Variants in KCNH8 observed in about 807,000 individuals in gnomAD.
KCNH8 encodes the protein voltage-gated delayed rectifier potassium channel KCNH8.
In KCNH8, 70 loss-of-function variants were observed where a neutral mutation model predicts 103.6. The observed-to-expected ratio is 0.68, with a 90% CI of 0.56 to 0.82. KCNH8 has a LOEUF of 0.82. Among genes scored for constraint, KCNH8 ranks in the 40% least tolerant of loss-of-function variants. The probability of loss-of-function intolerance (pLI) is 0.00; values close to 1 mark genes in which losing one functional copy is unlikely to be tolerated. For missense variants in KCNH8, 1,217 were observed against 1,329.9 expected (o/e 0.92, Z 1.32); for synonymous variants, 498 against 489.4 (o/e 1.02, Z -0.23).
intron 11 of KCNH8, among the ~76,000 whole-genome samples, chr3:19,478,121 T>C (rs974093131): frequency 6.6e-6 from 1 of 152,186 alleles, no homozygotes; most frequent in African/African-American, 2.4e-5. Flanking sequence ...TAGTATTCCA[T>C]GGTTTATATA....
chr3:19,291,807 T>C (rs953253013), intron 3 of KCNH8, among the ~76,000 whole-genome samples: 3 of 152,202 alleles, frequency 2.0e-5, no homozygotes, highest in Non-Finnish European at 2.9e-5. Context: ...CTTGTTAACT[T>C]TCTGTCTCGT....
intron 5 of KCNH8, among the ~76,000 whole-genome samples, chr3:19,375,437 G>A (rs2125120100): frequency 6.6e-6 from 1 of 151,240 alleles, no homozygotes; most frequent in African/African-American, 2.4e-5. Flanking sequence ...TAGTTCTCAA[G>A]CCTTGGTTTT....
chr3:19,413,311 AG>A (rs1157635425), intron 7 of KCNH8, among the ~76,000 whole-genome samples: 3 of 151,980 alleles, frequency 2.0e-5, no homozygotes, highest in African/African-American at 7.2e-5. Flanking sequence ...TGTTCTCATA[AG>A]TAGGAGCTAG....
chr3:19,212,647 C>T (rs1278048607), intron 1 of KCNH8, among the ~76,000 whole-genome samples: 3 of 152,154 alleles, frequency 2.0e-5, no homozygotes, highest in Non-Finnish European at 4.4e-5. Flanking sequence ...CTTAGCTTAT[C>T]ACAGAAGTAC....
At chr3:19,401,426 A>G (rs1253121893) in intron 7 of KCNH8, among the ~76,000 whole-genome samples, 2 of 152,064 alleles carry the variant, frequency 1.3e-5, no homozygotes, top group Non-Finnish European at 2.9e-5. Flanking sequence ...AGGTCTATCT[A>G]AAAGCAGTTA....
At chr3:19,151,644 T>A (rs145944344) in intron 1 of KCNH8, among the ~76,000 whole-genome samples, 1 of 152,204 alleles carries the variant, frequency 6.6e-6, no homozygotes, top group East Asian at 1.9e-4. Flanking sequence ...ATAATCCTAC[T>A]ATTTATCAGT....
chr3:19,487,144 T>C (rs929013126), intron 11 of KCNH8, among the ~76,000 whole-genome samples: 2 of 152,188 alleles, frequency 1.3e-5, no homozygotes, highest in Non-Finnish European at 2.9e-5. Context: ...TCTTGAACCC[T>C]TGGGGAAGCC....
At chr3:19,252,596 G>A (rs149553789) in intron 1 of KCNH8, among the ~76,000 whole-genome samples, 2 of 151,956 alleles carry the variant, frequency 1.3e-5, no homozygotes, top group East Asian at 3.9e-4. Context: ...CACCATATTG[G>A]CCAGGCTGGT....
chr3:19,444,104 A>C (rs919649002), intron 8 of KCNH8, among the ~76,000 whole-genome samples: 1 of 152,084 alleles, frequency 6.6e-6, no homozygotes, highest in Non-Finnish European at 1.5e-5. Flanking sequence ...AAAAAGAACA[A>C]AATTGGAAGA....
chr3:19,148,876 C>A, intron 1 of KCNH8, 81 bp downstream of exon 1: 2 of 1,195,322 alleles, frequency 1.7e-6, no homozygotes, highest in Non-Finnish European at 2.5e-6. Context: ...CTCCCACCTT[C>A]CCTTTTGCAC....
chr3:19,509,347 T>A (rs1019493232), intron 11 of KCNH8, among the ~76,000 whole-genome samples: 3 of 152,192 alleles, frequency 2.0e-5, no homozygotes, highest in African/African-American at 7.2e-5. Flanking sequence ...TTGTCTGGCT[T>A]ACTAGGCAGA....
At chr3:19,339,551 C>T (rs1384643467) in intron 3 of KCNH8, among the ~76,000 whole-genome samples, 1 of 152,072 alleles carries the variant, frequency 6.6e-6, no homozygotes, top group Non-Finnish European at 1.5e-5. Flanking sequence ...TAACTTTTCG[C>T]AGTAACAATG....
chr3:19,533,915 C>A lies in KCNH8; in HGVS notation c.3140C>A (p.Pro1047Gln). Residue 1047 changes from proline (P) to glutamine (Q), a missense_variant, in exon 16 of 16, where the codon CCA (proline) becomes CAA (glutamine). By Grantham distance (76) the Pro-to-Gln change is moderately conservative (BLOSUM62 -1). Transcript: ENST00000328405. The stretch of plus-strand genomic sequence containing the variant: ...GAAACATCTTTGCACCTAGTTCTCC[C>A]AAGCAGATCAGAGGAGGGCAGCTTC... ...SSETSLHLVL[P>Q]SRSEEGSFSQ... 1.2e-6 allele frequency: 2 copies of A among 1,614,118 alleles called. No homozygotes were observed. Among genetic ancestry groups the A allele is most frequent in the Non-Finnish European group, 1.7e-6 (2 of 1,180,022 alleles).
chr3:19,523,030 GGAATCGGAGT>G (rs1575172417), intron 15 of KCNH8, among the ~76,000 whole-genome samples: 1 of 151,870 alleles, frequency 6.6e-6, no homozygotes, highest in East Asian at 1.9e-4. Flanking sequence ...TACTTTGCTG[GGAATCGGAGT>G]GATATGGGGT....
chr3:19,201,140 G>A (rs2063655670), intron 1 of KCNH8, among the ~76,000 whole-genome samples: 1 of 131,248 alleles, frequency 7.6e-6, no homozygotes, highest in African/African-American at 2.8e-5. Flanking sequence ...GCTGAGGCAT[G>A]AGAATCGTTT....
chr3:19,463,829 G>A (rs2067683008), intron 11 of KCNH8, among the ~76,000 whole-genome samples: 2 of 152,100 alleles, frequency 1.3e-5, no homozygotes, highest in Admixed American at 1.3e-4. Flanking sequence ...AGAGTTAAAA[G>A]CAACCTGGGT....
intron 3 of KCNH8, among the ~76,000 whole-genome samples, chr3:19,336,155 T>C (rs2125313197): frequency 6.6e-6 from 1 of 151,940 alleles, no homozygotes; most frequent in Non-Finnish European, 1.5e-5. Flanking sequence ...TTATATCATG[T>C]ATTTTGTAAT....
At position 19,291,415 on chromosome 3, in the gene KCNH8, A is replaced by G. The variant is rs140391887; in HGVS notation, c.442+10086A>G. The stretch of plus-strand genomic sequence containing the variant: ...AATTTCCCTCTTCACACTGCTTTGA[A>G]TGTGTCCCAAAGACTCTGGTATGTT... On this transcript the variant is annotated intron_variant, in intron 3 of 15. Coordinates refer to ENST00000328405, the MANE Select transcript of KCNH8 (RefSeq NM_144633.3). 8.1e-3 allele frequency among the ~76,000 whole-genome samples: 1,234 copies of G among 152,258 alleles called. 18 individuals are homozygous for G. Among genetic ancestry groups the G allele is most frequent in the African/African-American group, 0.027 (1,118 of 41,534 alleles).
At chr3:19,285,777 TC>T (rs1358772359) in intron 3 of KCNH8, among the ~76,000 whole-genome samples, 9 of 152,046 alleles carry the variant, frequency 5.9e-5, no homozygotes, top group African/African-American at 2.2e-4. Flanking sequence ...ATGTTTTTTC[TC>T]CCTCACTTGC....
Sources: gnomAD v4.1 joint callset for allele counts (sites outside exome capture counted in the v4.1 genomes callset) on GRCh38, gnomAD v4.1.1 for gene constraint, MANE v1.5 for transcripts, NCBI Gene and HGNC (gene_info 2026-07-23, HGNC 2026-07-21) for gene names.